Variants in NXPH2 observed in about 807,000 individuals in gnomAD.
NXPH2 encodes the protein neurexophilin 2.
Under a neutral mutation model 19.8 loss-of-function variants are expected in NXPH2, and 5 were observed. The observed-to-expected ratio is 0.25, with a 90% CI of 0.13 to 0.53. The LOEUF (loss-of-function observed/expected upper bound fraction) is 0.53. Among genes scored for constraint, NXPH2 ranks in the 20% least tolerant of loss-of-function variants. The pLI is 0.96. For synonymous variants in NXPH2, 154 were observed against 127.4 expected (o/e 1.21, Z -1.41); for missense variants, 289 against 322.8 (o/e 0.90, Z 0.80).
At chr2:138,775,319 T>C (rs767410630) in intron 1 of NXPH2, among the ~76,000 whole-genome samples, 1 of 152,108 alleles carries the variant, frequency 6.6e-6, no homozygotes, top group Non-Finnish European at 1.5e-5. Context: ...AAAAATAACA[T>C]AAAATAGAAG....
At chr2:138,735,082 A>G (rs1325118608) in intron 1 of NXPH2, among the ~76,000 whole-genome samples, 3 of 152,150 alleles carry the variant, frequency 2.0e-5, no homozygotes, top group Admixed American at 2.0e-4. Context: ...GCATAGATAG[A>G]AATGGCGCTG....
At chr2:138,780,102 C>G in intron 1 of NXPH2, 89 bp downstream of exon 1, 3 of 1,334,784 alleles carry the variant, frequency 2.2e-6, no homozygotes, top group Non-Finnish European at 2.0e-6. Context: ...CAAGCAGGCC[C>G]AGGCTGGGCT....
chr2:138,756,065 G>A (rs1681904660), intron 1 of NXPH2, among the ~76,000 whole-genome samples: 1 of 151,556 alleles, frequency 6.6e-6, no homozygotes, highest in Non-Finnish European at 1.5e-5. Context: ...AGTTTTTATT[G>A]TTCTTTGTAT....
intron 1 of NXPH2, among the ~76,000 whole-genome samples, chr2:138,677,255 T>C (rs371155657): frequency 2.0e-5 from 3 of 152,324 alleles, no homozygotes; most frequent in East Asian, 3.9e-4. Context: ...ATAATAATAA[T>C]GCAAAAACAT....
At chr2:138,680,721 T>C (rs1333254357) in intron 1 of NXPH2, among the ~76,000 whole-genome samples, 2 of 152,166 alleles carry the variant, frequency 1.3e-5, no homozygotes, top group African/African-American at 4.8e-5. Flanking sequence ...ATATCTTTAT[T>C]TGGATGAGTG....
intron 1 of NXPH2, among the ~76,000 whole-genome samples, chr2:138,746,554 GCCCAGCTT>G (rs1681737643): frequency 6.6e-6 from 1 of 152,150 alleles, no homozygotes; most frequent in African/African-American, 2.4e-5. Flanking sequence ...TTCTTGGTAG[GCCCAGCTT>G]CCCAAAACTG....
At chr2:138,757,030 G>T (rs1165083962) in intron 1 of NXPH2, among the ~76,000 whole-genome samples, 1 of 152,088 alleles carries the variant, frequency 6.6e-6, no homozygotes, top group East Asian at 1.9e-4. Context: ...TAATAAAAAA[G>T]ATTTAAAATA....
At chr2:138,755,940 A>G (rs1050371778) in intron 1 of NXPH2, among the ~76,000 whole-genome samples, 9 of 151,858 alleles carry the variant, frequency 5.9e-5, no homozygotes, top group African/African-American at 2.2e-4. Flanking sequence ...TGCCATTGTA[A>G]AACTGGATGT....
At chr2:138,684,659 A>T (rs1680622361) in intron 1 of NXPH2, among the ~76,000 whole-genome samples, 1 of 152,212 alleles carries the variant, frequency 6.6e-6, no homozygotes. Context: ...CCTGGATGAC[A>T]CTTTCCTGTT....
chr2:138,751,598 G>A lies in NXPH2; in HGVS notation c.51+28593C>T, dbSNP rs185595364. ...CATTCAGACTTTCTAACAGGGGAAA[G>A]TTTTGCCTCTCTGAGAAACTGGTAT... On this transcript the variant is annotated intron_variant, in intron 1 of 1. Coordinates refer to ENST00000272641, the MANE Select transcript of NXPH2 (RefSeq NM_007226.3). 2.7e-4 allele frequency among the ~76,000 whole-genome samples: 41 copies of A among 152,158 alleles called. 1 individual carries two copies. Among genetic ancestry groups the A allele is most frequent in the African/African-American group, 9.9e-4 (41 of 41,526 alleles).
At chr2:138,772,734 A>T (rs951856228) in intron 1 of NXPH2, among the ~76,000 whole-genome samples, 2 of 152,216 alleles carry the variant, frequency 1.3e-5, no homozygotes, top group African/African-American at 4.8e-5. Flanking sequence ...CACTGAGCAG[A>T]GTGGGATGTT....
intron 1 of NXPH2, among the ~76,000 whole-genome samples, chr2:138,732,392 A>T (rs1316460556): frequency 1.3e-5 from 2 of 152,202 alleles, no homozygotes; most frequent in Non-Finnish European, 2.9e-5. Context: ...AAAAGGCACC[A>T]GCATGGTTAG....
Position 138,780,343 on chromosome 2 carries a change from G to A in NXPH2, c.-102C>T, listed in dbSNP as rs1682333714. The A allele has an allele frequency of 3.2e-6, 3 of 924,642 alleles. No homozygotes were observed. The highest frequency in any genetic ancestry group is 2.4e-5 in the South Asian group (1 of 41,598). 57.3% of individuals were successfully genotyped at this position (924,642 alleles called of 1,614,324 possible). ...ACTGAGGACGCCAGGGACACAGCGC[G>A]GCGCTTCCCTCCCGGAATCCGAGCG... On this transcript the variant is annotated 5_prime_UTR_variant, in exon 1 of 2. Transcript: ENST00000272641.
At chr2:138,752,827 C>T (rs536272518) in intron 1 of NXPH2, among the ~76,000 whole-genome samples, 2 of 152,098 alleles carry the variant, frequency 1.3e-5, no homozygotes, top group Admixed American at 6.6e-5. Flanking sequence ...GAATGTGCTA[C>T]AAGTGGAACT....
intron 1 of NXPH2, among the ~76,000 whole-genome samples, chr2:138,731,331 C>T (rs10496800): frequency 0.17 from 25,673 of 151,720 alleles, 2,254 homozygotes; most frequent in East Asian, 0.24. Context: ...AGGAAAAGCT[C>T]GGTCAAATTT....
chr2:138,765,344 G>T (rs1682074366), intron 1 of NXPH2, among the ~76,000 whole-genome samples: 1 of 152,060 alleles, frequency 6.6e-6, no homozygotes, highest in African/African-American at 2.4e-5. Context: ...AATAAGTAAG[G>T]TCAATATTTA....
chr2:138,750,308 G>A (rs1030593689), intron 1 of NXPH2, among the ~76,000 whole-genome samples: 3 of 152,098 alleles, frequency 2.0e-5, no homozygotes, highest in Non-Finnish European at 4.4e-5. Context: ...AGTAAATAGA[G>A]TAAGTAACCT....
Position 138,670,866 on chromosome 2 carries a change from C to T in NXPH2, c.*56G>A. 6.5e-7 allele frequency: 1 copy of T among 1,534,482 alleles called. No homozygotes were observed. Among genetic ancestry groups the T allele is most frequent in the Non-Finnish European group, 8.8e-7 (1 of 1,137,220 alleles). On this transcript the variant is annotated 3_prime_UTR_variant, in exon 2 of 2. Transcript: ENST00000272641. ...TTATCATAAAGAGCTGGGCTTGTTT[C>T]TTTGTCATTCTAATCAAATACATAT...
intron 1 of NXPH2, among the ~76,000 whole-genome samples, chr2:138,767,351 C>T (rs997822469): frequency 2.6e-5 from 4 of 152,242 alleles, no homozygotes; most frequent in Non-Finnish European, 5.9e-5. Context: ...GCCTCATCAT[C>T]CCTTTGCTCT....
Sources: allele counts gnomAD v4.1 joint callset (sites outside exome capture counted in the v4.1 genomes callset), GRCh38; gene constraint gnomAD v4.1.1; transcripts MANE v1.5; gene names NCBI Gene and HGNC (gene_info 2026-07-23, HGNC 2026-07-21).